Variants in ADAMTS19 observed in about 807,000 individuals in gnomAD.
The protein encoded by ADAMTS19 is ADAM metallopeptidase with thrombospondin type 1 motif 19, also known as A disintegrin and metalloproteinase with thrombospondin motifs 19.
A neutral mutation model predicts 153.3 loss-of-function variants in ADAMTS19; 93 were observed. The ratio of observed to expected loss-of-function variants is 0.61; its 90% CI spans 0.51 to 0.72. The LOEUF (loss-of-function observed/expected upper bound fraction) is 0.72, where lower values mean the gene tolerates loss of function less well. ADAMTS19 is among the 30% of genes least tolerant of loss of function. ADAMTS19 has a pLI of 0.00. For synonymous variants in ADAMTS19, 600 were observed against 556.6 expected (o/e 1.08, Z -1.10); for missense variants, 1,482 against 1,552.1 (o/e 0.95, Z 0.76).
At chr5:129,716,638 C>G (rs1756744771) in intron 21 of ADAMTS19, among the ~76,000 whole-genome samples, 1 of 150,080 alleles carries the variant, frequency 6.7e-6, no homozygotes, top group African/African-American at 2.5e-5. Context: ...TAGAAGCTAT[C>G]CTTGGCACTT....
chr5:129,590,223 G>T (rs2126905408), intron 7 of ADAMTS19, among the ~76,000 whole-genome samples: 1 of 152,246 alleles, frequency 6.6e-6, no homozygotes, highest in East Asian at 1.9e-4. Context: ...TACTCAGGCA[G>T]TGGCAGCATC....
chr5:129,461,190 C>CG lies in ADAMTS19; in HGVS notation c.185dup (p.Ser63GlnfsTer56). On this transcript the variant is annotated frameshift_variant, in exon 2 of 23. Transcript: ENST00000274487. LOFTEE classifies it high-confidence loss of function. The surrounding 1 kb of genome is among the most constrained non-coding windows in gnomAD (Gnocchi z 4.6). Reference sequence around the variant, plus strand: ...AGCCGGTGGACCCGGCTGGCGGCAGCGGGGGCAGCGCGGACCCGGGCTGGG... The same window carrying CG: ...AGCCGGTGGACCCGGCTGGCGGCAGCGGGGGGCAGCGCGGACCCGGGCTGGG... The CG allele has an allele frequency of 7.4e-7, 1 of 1,353,006 alleles. No individual in the cohort carries two copies. The highest frequency in any genetic ancestry group is 9.5e-7 in the Non-Finnish European group (1 of 1,051,806). The allele number at this position is 1,353,006 out of a possible 1,614,324, so 83.8% of individuals were successfully genotyped here.
chr5:129,722,711 G>A (rs528414851), intron 21 of ADAMTS19, among the ~76,000 whole-genome samples: 44 of 152,220 alleles, frequency 2.9e-4, no homozygotes, highest in Non-Finnish European at 4.1e-4. Flanking sequence ...TTTTCTTCTA[G>A]TGATTAAACT....
intron 6 of ADAMTS19, among the ~76,000 whole-genome samples, chr5:129,550,518 G>GTA (rs1464271066): frequency 2.0e-5 from 3 of 148,376 alleles, no homozygotes; most frequent in South Asian, 2.1e-4. Flanking sequence ...ATACATATCT[G>GTA]TATATATATA....
intron 10 of ADAMTS19, among the ~76,000 whole-genome samples, chr5:129,639,610 T>C (rs999341833): frequency 6.6e-6 from 1 of 152,198 alleles, no homozygotes; most frequent in Non-Finnish European, 1.5e-5. Context: ...GGGCAGAATG[T>C]AGACCACCAA....
chr5:129,651,364 T>C (rs1323039298), intron 13 of ADAMTS19, among the ~76,000 whole-genome samples: 1 of 152,154 alleles, frequency 6.6e-6, no homozygotes, highest in Non-Finnish European at 1.5e-5. Context: ...TCCCATATCA[T>C]TGAAGGTAAC....
chr5:129,594,864 C>T (rs73785212), intron 7 of ADAMTS19, among the ~76,000 whole-genome samples: 5,918 of 152,040 alleles, frequency 0.039, 357 homozygotes, highest in African/African-American at 0.13. Flanking sequence ...CTTAATTTAA[C>T]CTTGAAGTAA....
chr5:129,597,239 C>A (rs1356751023), intron 8 of ADAMTS19, among the ~76,000 whole-genome samples: 1 of 152,052 alleles, frequency 6.6e-6, no homozygotes, highest in Non-Finnish European at 1.5e-5. Context: ...TTTCATTTCA[C>A]TGAAATTAAT....
At chr5:129,699,091 C>G (rs1317659506) in intron 19 of ADAMTS19, among the ~76,000 whole-genome samples, 1 of 152,150 alleles carries the variant, frequency 6.6e-6, no homozygotes, top group African/African-American at 2.4e-5. Flanking sequence ...ATTAAGGTTA[C>G]TTCTGTAAAA....
intron 10 of ADAMTS19, among the ~76,000 whole-genome samples, chr5:129,634,909 G>GAA (rs1263956607): frequency 7.4e-5 from 11 of 148,774 alleles, no homozygotes; most frequent in African/African-American, 2.5e-4. Flanking sequence ...GAGAGAGAGA[G>GAA]AAATGGGATC....
intron 7 of ADAMTS19, among the ~76,000 whole-genome samples, chr5:129,577,457 G>T (rs1461060349): frequency 6.6e-6 from 1 of 152,066 alleles, no homozygotes; most frequent in Non-Finnish European, 1.5e-5. Flanking sequence ...ACAAATAAGG[G>T]ATAATCCGGG....
chr5:129,494,098 A>G (rs1056066792), intron 2 of ADAMTS19, among the ~76,000 whole-genome samples: 2 of 152,162 alleles, frequency 1.3e-5, no homozygotes, highest in African/African-American at 2.4e-5. Flanking sequence ...TATTTTCCCC[A>G]TCTTCCATAA....
chr5:129,472,843 T>A (rs958055139), intron 2 of ADAMTS19, among the ~76,000 whole-genome samples: 1 of 150,624 alleles, frequency 6.6e-6, no homozygotes, highest in African/African-American at 2.4e-5. Flanking sequence ...TTTGTTATAA[T>A]AAAATTTATC....
chr5:129,591,449 C>T (rs758660564), intron 7 of ADAMTS19, among the ~76,000 whole-genome samples: 5 of 151,854 alleles, frequency 3.3e-5, no homozygotes, highest in Admixed American at 6.6e-5. Context: ...TGCACCACCA[C>T]GCCTGGTTAA....
At chr5:129,601,762 A>G (rs1197521675) in intron 8 of ADAMTS19, among the ~76,000 whole-genome samples, 1 of 152,174 alleles carries the variant, frequency 6.6e-6, no homozygotes, top group African/African-American at 2.4e-5. Context: ...CAACCCGAGA[A>G]GCTATATGAG....
chr5:129,647,870 A>G lies in ADAMTS19; in HGVS notation c.1978A>G (p.Ser660Gly). The G allele has an allele frequency of 6.2e-7, 1 of 1,613,754 alleles. No individual in the cohort carries two copies. The highest frequency in any genetic ancestry group is 8.5e-7 in the Non-Finnish European group (1 of 1,179,716). ...PCSRTCSAGISSRERKCPGLD... is the reference protein window; with the variant it reads ...PCSRTCSAGIGSRERKCPGLD... ...TAGCCGAACCTGCAGTGCTGGGATC[A>G]GCAGTCGAGAGCGCAAATGTCCTGG... The change falls in exon 12 of 23, where the codon AGC becomes GGC. Residue 660 changes from serine (S) to glycine (G), a missense_variant. Transcript: ENST00000274487.
At chr5:129,576,877 T>G (rs1180131040) in intron 7 of ADAMTS19, among the ~76,000 whole-genome samples, 1 of 152,162 alleles carries the variant, frequency 6.6e-6, no homozygotes, top group East Asian at 1.9e-4. Flanking sequence ...ATCTTTCCCC[T>G]GATGCTTACC....
chr5:129,645,299 T>C (rs1753010670), intron 11 of ADAMTS19, among the ~76,000 whole-genome samples: 1 of 152,200 alleles, frequency 6.6e-6, no homozygotes, highest in South Asian at 2.1e-4. Flanking sequence ...CTCTCCATAA[T>C]ATCCCTAATG....
At chr5:129,517,734 A>G (rs1751660212) in intron 3 of ADAMTS19, among the ~76,000 whole-genome samples, 1 of 151,744 alleles carries the variant, frequency 6.6e-6, no homozygotes, top group African/African-American at 2.4e-5. Flanking sequence ...TTTTTCATCT[A>G]TTTAGCCATT....
Sources: gnomAD v4.1 joint callset for allele counts (sites outside exome capture counted in the v4.1 genomes callset) on GRCh38, gnomAD v4.1.1 for gene constraint, Gnocchi (gnomAD v3.1) non-coding constraint, MANE v1.5 for transcripts, NCBI Gene and HGNC (gene_info 2026-07-23, HGNC 2026-07-21) for gene names.